Variants in TNNI2 observed in about 807,000 individuals in gnomAD.
TNNI2 encodes the protein troponin I, fast skeletal muscle.
A neutral mutation model predicts 26.5 loss-of-function variants in TNNI2; 14 were observed. The observed-to-expected ratio is 0.53, with a 90% CI of 0.35 to 0.83. The LOEUF (loss-of-function observed/expected upper bound fraction) is 0.83, where lower values mean the gene tolerates loss of function less well. Ranked by LOEUF, TNNI2 falls within the 40% of genes least tolerant of loss-of-function variation. TNNI2 has a pLI of 0.01. For missense variants in TNNI2, 205 were observed against 248.5 expected (o/e 0.82, Z 1.18); for synonymous variants, 126 against 97.6 (o/e 1.29, Z -1.71).
chr11:1,840,162 C>G, intron 3 of TNNI2: 1 of 1,549,018 alleles, frequency 6.5e-7, no homozygotes, highest in Non-Finnish European at 8.7e-7. Context: ...CTCCTCTCCC[C>G]CAGCCTCTGG....
chr11:1,840,294 C>A (rs2133033774), intron 3 of TNNI2, 109 bp from the exon 4 acceptor site: 1 of 1,546,696 alleles, frequency 6.5e-7, no homozygotes, highest in Admixed American at 2.0e-5. Context: ...CCCCCAGGCT[C>A]TGCTGGTCCC....
At chr11:1,840,783 G>A in intron 5 of TNNI2, 36 bp from the exon 6 acceptor site, 2 of 1,603,660 alleles carry the variant, frequency 1.2e-6, no homozygotes, top group Non-Finnish European at 8.5e-7. Context: ...GCTGCCAAGT[G>A]TCAGGACGGC....
At position 1,841,210 on chromosome 11, in the gene TNNI2, G is replaced by A. The variant is rs200300133; in HGVS notation, c.453+3G>A. The A allele has an allele frequency of 6.0e-4, 962 of 1,611,232 alleles. 3 individuals carry two copies. The African/African-American group carries it at 0.012, about 19-fold the overall frequency. ...TCAAGAAGGAGGACACAGAGAAGGT[G>A]CGTGCCACGGGGGGAGCACCACCAC... On this transcript the variant is annotated splice_donor_region_variant and intron_variant, in intron 7 of 7. Transcript: ENST00000381911.
rs1257723749 is a variant in TNNI2, at chr11:1,841,064, C to T, written c.310C>T (p.Arg104Trp). Residue 104 changes from arginine to tryptophan, a missense_variant, in exon 7 of 8, where the codon CGG becomes TGG. Physicochemically the swap from Arg to Trp is moderately radical, Grantham distance 101. Transcript: ENST00000381911. ...CATGAACCAGAAGCTATTTGATCTG[C>T]GGGGCAAGTTCAAGCGGCCCCCACT... ...EDMNQKLFDL[R>W]GKFKRPPLRR... 3.7e-6 allele frequency: 6 copies of T among 1,613,086 alleles called. No homozygotes were observed. The highest frequency in any genetic ancestry group is 5.1e-6 in the Non-Finnish European group (6 of 1,179,926).
Position 1,839,718 on chromosome 11 carries a change from C to T in TNNI2, c.8+14C>T. On this transcript the variant is annotated intron_variant, in intron 2 of 7. Coordinates refer to ENST00000381911, the MANE Select transcript of TNNI2 (RefSeq NM_003282.4). Reference sequence around the variant, plus strand: ...CAGGATGGGAGAGTAAGTGGTACCCCTGTACCCCCATACAGTGACCCTGCC... The same window carrying T: ...CAGGATGGGAGAGTAAGTGGTACCCTTGTACCCCCATACAGTGACCCTGCC... The T allele has an allele frequency of 1.9e-6, 3 of 1,613,922 alleles. No homozygotes were observed. Among genetic ancestry groups the T allele is most frequent in the Non-Finnish European group, 2.5e-6 (3 of 1,179,920 alleles).
At chr11:1,839,537 G>C in intron 1 of TNNI2, 138 bp from the exon 2 acceptor site, 3 of 770,230 alleles carry the variant, frequency 3.9e-6, no homozygotes, top group Admixed American at 2.2e-5. Flanking sequence ...GGTGAGAGTA[G>C]GGGGAGGAGG....
chr11:1,840,657 G>A lies in TNNI2; in HGVS notation c.186+1G>A. 3 of 1,612,694 alleles carry A rather than the reference G, an allele frequency of 1.9e-6. No homozygotes were observed. Among genetic ancestry groups the A allele is most frequent in the Non-Finnish European group, 2.5e-6 (3 of 1,179,876 alleles). ...CCCGGGCTCCATGTCTGAAGTGCAGGTACCAGCCCCTCCCCGGCCACCCCG... is the reference window on the plus strand; with the variant it reads ...CCCGGGCTCCATGTCTGAAGTGCAGATACCAGCCCCTCCCCGGCCACCCCG... On this transcript the variant is annotated splice_donor_variant, in intron 5 of 7. Coordinates refer to ENST00000381911, the MANE Select transcript of TNNI2 (RefSeq NM_003282.4). LOFTEE classifies it high-confidence loss of function.
Position 1,840,558 on chromosome 11 carries a change from C to T in TNNI2, c.88C>T (p.Leu30=). Residue 30 remains leucine (L), a synonymous_variant, in exon 5 of 8, where the codon CTG becomes TTG. Transcript: ENST00000381911. ...GATGCTGCAGATAGCGGCCACGGAG[C>T]TGGAGAAGGAGGAGAGCCGCCGTGA... ...SVMLQIAATE[L]EKEESRREAE... is the part of the protein sequence containing the mutation. 6.2e-7 allele frequency: 1 copy of T among 1,612,540 alleles called. No homozygotes were observed. The highest frequency in any genetic ancestry group is 1.1e-5 in the South Asian group (1 of 91,078).
chr11:1,840,740 G>A, intron 5 of TNNI2, 79 bp from the exon 6 acceptor site: 1 of 1,607,430 alleles, frequency 6.2e-7, no homozygotes, highest in Non-Finnish European at 8.5e-7. Context: ...AAGAGGGCCA[G>A]TGGGGTGGTC....
chr11:1,839,527 G>A (rs1164193553), intron 1 of TNNI2, 148 bp from the exon 2 acceptor site: 3 of 707,010 alleles, frequency 4.2e-6, no homozygotes, highest in Non-Finnish European at 7.2e-6. Context: ...CCTTGAAGGA[G>A]GTGAGAGTAG....
intron 4 of TNNI2, 34 bp downstream of exon 4, chr11:1,840,478 G>A: frequency 1.9e-6 from 3 of 1,610,546 alleles, no homozygotes; most frequent in East Asian, 2.2e-5. Flanking sequence ...TGGCCCAGGT[G>A]GGTCTGCAGG....
At chr11:1,841,262 C>A (rs891018665) in intron 7 of TNNI2, 55 bp downstream of exon 7, 12 of 1,593,292 alleles carry the variant, frequency 7.5e-6, no homozygotes, top group Non-Finnish European at 9.4e-6. Flanking sequence ...AAGCACCTCC[C>A]ACACCTGCCC....
chr11:1,841,606 A>G lies in TNNI2; in HGVS notation c.*55A>G. 3 of 1,530,540 alleles carry G rather than the reference A, an allele frequency of 2.0e-6. No individual in the cohort carries two copies. The highest frequency in any genetic ancestry group is 1.1e-5 in the South Asian group (1 of 89,174). 94.8% of individuals were successfully genotyped at this position (1,530,540 alleles called of 1,614,324 possible). On this transcript the variant is annotated 3_prime_UTR_variant, in exon 8 of 8. Coordinates refer to ENST00000381911, the MANE Select transcript of TNNI2 (RefSeq NM_003282.4). ...TGCCCGGCTCCCAGCAGAACATACT[A>G]GGGAGATGCACCCAGAGCCTGCCAG...
At chr11:1,840,284 C>T in intron 3 of TNNI2, 119 bp from the exon 4 acceptor site, 1 of 1,546,192 alleles carries the variant, frequency 6.5e-7, no homozygotes. Flanking sequence ...GCCTCAGGAG[C>T]CCCCAGGCTC....
chr11:1,840,210 C>T (rs1259392700), intron 3 of TNNI2, 193 bp from the exon 4 acceptor site: 1 of 1,551,128 alleles, frequency 6.4e-7, no homozygotes, highest in African/African-American at 1.4e-5. Context: ...AAGTGTCACA[C>T]ACCACACAGC....
chr11:1,840,840 G>A lies in TNNI2; in HGVS notation c.208G>A (p.Ala70Thr), dbSNP rs754224223. The change falls in exon 6 of 8, where the codon GCC (alanine) becomes ACC (threonine). Residue 70 changes from alanine (A) to threonine (T), a missense_variant. Coordinates refer to ENST00000381911, the MANE Select transcript of TNNI2 (RefSeq NM_003282.4). ...CTAGGAGCTCTGCAAACAGCTGCAC[G>A]CCAAGATCGATGCGGCTGAAGAGGA... The part of the protein sequence containing the change: ...EVQELCKQLH[A>T]KIDAAEEEKY... The A allele has an allele frequency of 9.3e-6, 15 of 1,612,748 alleles. No homozygotes were observed. Among genetic ancestry groups the A allele is most frequent in the Admixed American group, 8.3e-5 (5 of 59,970 alleles).
chr11:1,840,317 C>G (rs1458540714), intron 3 of TNNI2, 86 bp from the exon 4 acceptor site: 4 of 1,550,212 alleles, frequency 2.6e-6, no homozygotes, highest in Non-Finnish European at 3.5e-6. Flanking sequence ...AGCCGGAGCC[C>G]CTGACCTGGC....
At chr11:1,841,412 A>G (rs750081987) in intron 7 of TNNI2, 44 bp from the exon 8 acceptor site, 13 of 1,603,920 alleles carry the variant, frequency 8.1e-6, no homozygotes, top group Non-Finnish European at 8.5e-6. Flanking sequence ...GGGTGCGTGC[A>G]TAAGTGGGTG....
intron 3 of TNNI2, chr11:1,840,124 T>G: frequency 1.0e-6 from 1 of 982,470 alleles, no homozygotes; most frequent in Non-Finnish European, 1.5e-6. Context: ...CGCCCCCACC[T>G]CACCGGCCGA....
Sources: allele counts gnomAD v4.1 joint callset, GRCh38; gene constraint gnomAD v4.1.1; transcripts MANE v1.5; gene names NCBI Gene and HGNC (gene_info 2026-07-23, HGNC 2026-07-21).